The following EBF2 variants were observed in gnomAD, a reference collection of about 807,000 sequenced individuals.
EBF2 encodes transcription factor COE2.
Under a neutral mutation model 72.8 loss-of-function variants are expected in EBF2, and 21 were observed. The observed-to-expected ratio is 0.29, with a 90% CI of 0.20 to 0.42. The LOEUF (loss-of-function observed/expected upper bound fraction) is 0.42. EBF2 is among the 10% of genes least tolerant of loss of function. The probability of loss-of-function intolerance (pLI) is 1.00; values close to 1 mark genes in which losing one functional copy is unlikely to be tolerated. For missense variants in EBF2, 637 were observed against 731.2 expected (o/e 0.87, Z 1.49); for synonymous variants, 299 against 274.2 (o/e 1.09, Z -0.89).
At position 25,885,836 on chromosome 8, in the gene EBF2, C is replaced by T. The variant is rs374849626; in HGVS notation, c.1009+919G>A. On this transcript the variant is annotated intron_variant, in intron 10 of 15. Transcript: ENST00000520164. ...TTTTTCTTTAAAAATTACCCAGTCT[C>T]GGGTATGTCTTTATCAGCAGCATGA... Among the ~76,000 whole-genome samples, 10 of 152,256 alleles carry T rather than the reference C, an allele frequency of 6.6e-5. No individual in the cohort carries two copies. The East Asian group carries it at 1.9e-3, about 29-fold the overall frequency.
At chr8:25,922,400 G>A (rs1250266881) in intron 6 of EBF2, among the ~76,000 whole-genome samples, 2 of 152,064 alleles carry the variant, frequency 1.3e-5, no homozygotes, top group Non-Finnish European at 2.9e-5. Flanking sequence ...GATTCTCAAA[G>A]CCTGGTGTGG....
chr8:25,994,228 G>T (rs577700532), intron 6 of EBF2, among the ~76,000 whole-genome samples: 139 of 151,912 alleles, frequency 9.2e-4, no homozygotes, highest in African/African-American at 3.2e-3. Flanking sequence ...GAAGATACAC[G>T]AAAACTTGAT....
intron 7 of EBF2, among the ~76,000 whole-genome samples, chr8:25,892,314 G>C (rs574214310): frequency 6.6e-6 from 1 of 152,148 alleles, no homozygotes; most frequent in South Asian, 2.1e-4. Flanking sequence ...ACCACAGAAA[G>C]TGAAGCCTCC....
chr8:26,003,153 G>A, intron 6 of EBF2, among the ~76,000 whole-genome samples: 1 of 152,180 alleles, frequency 6.6e-6, no homozygotes, highest in East Asian at 1.9e-4. Flanking sequence ...TCCACTCTGG[G>A]AGTCTCTGGG....
Position 25,938,776 on chromosome 8 carries a change from G to A in EBF2, c.552-30221C>T, listed in dbSNP as rs867228342. Among the ~76,000 whole-genome samples, 9 of 152,130 alleles carry A rather than the reference G, an allele frequency of 5.9e-5. 1 individual carries two copies. The Middle Eastern group carries it at 9.5e-3, about 160-fold the overall frequency. On this transcript the variant is annotated intron_variant, in intron 6 of 15. Transcript: ENST00000520164. Reference sequence around the variant, plus strand: ...GGCTCTGCTGAATGGTGGGTCACAAGTCCCTGTGATGTGGGGGGCCTCAAT... The same window carrying A: ...GGCTCTGCTGAATGGTGGGTCACAAATCCCTGTGATGTGGGGGGCCTCAAT...
chr8:25,923,144 C>T (rs772205672), intron 6 of EBF2, among the ~76,000 whole-genome samples: 17 of 152,106 alleles, frequency 1.1e-4, no homozygotes. Context: ...GAAGGCGCAC[C>T]GTGGAGTCGC....
intron 6 of EBF2, among the ~76,000 whole-genome samples, chr8:25,988,121 G>A (rs1472750676): frequency 6.6e-6 from 1 of 152,118 alleles, no homozygotes; most frequent in East Asian, 1.9e-4. Flanking sequence ...TCACTGGATA[G>A]CAGGTTGGGG....
intron 6 of EBF2, among the ~76,000 whole-genome samples, chr8:25,992,538 G>T (rs1045462308): frequency 2.0e-5 from 3 of 151,978 alleles, no homozygotes; most frequent in Admixed American, 6.6e-5. Context: ...GAGGATTCAA[G>T]TGTCGTTTGT....
chr8:25,933,184 C>G (rs1803513246), intron 6 of EBF2, among the ~76,000 whole-genome samples: 1 of 152,138 alleles, frequency 6.6e-6, no homozygotes, highest in African/African-American at 2.4e-5. Context: ...AAATCTGTGA[C>G]TGCTAAAAAT....
At chr8:25,982,120 G>A (rs1411286566) in intron 6 of EBF2, among the ~76,000 whole-genome samples, 7 of 152,156 alleles carry the variant, frequency 4.6e-5, no homozygotes, top group Non-Finnish European at 7.4e-5. Context: ...GGATTGGGAT[G>A]GGCATTTTTA....
At chr8:25,863,749 A>G (rs1175047534) in intron 10 of EBF2, among the ~76,000 whole-genome samples, 1 of 152,154 alleles carries the variant, frequency 6.6e-6, no homozygotes. Context: ...GTAAAAAACT[A>G]TTACAAACAT....
intron 15 of EBF2, among the ~76,000 whole-genome samples, chr8:25,845,206 G>A (rs956185496): frequency 6.6e-6 from 1 of 152,024 alleles, no homozygotes; most frequent in African/African-American, 2.4e-5. Flanking sequence ...CTGATCACTG[G>A]AATAGAAGAC....
At chr8:25,906,991 C>T (rs1803044132) in intron 7 of EBF2, among the ~76,000 whole-genome samples, 1 of 151,966 alleles carries the variant, frequency 6.6e-6, no homozygotes, top group Non-Finnish European at 1.5e-5. Context: ...GTATGGCCAT[C>T]TTCCTGTTAA....
chr8:25,940,202 T>C (rs1196541848), intron 6 of EBF2, among the ~76,000 whole-genome samples: 1 of 152,218 alleles, frequency 6.6e-6, no homozygotes, highest in Non-Finnish European at 1.5e-5. Context: ...CTAAAGCTAG[T>C]GGCAGAACCA....
chr8:25,857,217 C>G (rs765578413), intron 14 of EBF2, among the ~76,000 whole-genome samples: 2 of 152,110 alleles, frequency 1.3e-5, no homozygotes, highest in Non-Finnish European at 2.9e-5. Context: ...GAACTGACCT[C>G]TACTACCCTT....
chr8:25,927,234 G>A (rs998394088), intron 6 of EBF2, among the ~76,000 whole-genome samples: 10 of 152,056 alleles, frequency 6.6e-5, no homozygotes, highest in South Asian at 6.2e-4. Context: ...CTGCTGGCCT[G>A]TCTTATGAAT....
chr8:25,879,828 T>C (rs1056613105), intron 10 of EBF2, among the ~76,000 whole-genome samples: 3 of 152,180 alleles, frequency 2.0e-5, no homozygotes, highest in Non-Finnish European at 4.4e-5. Context: ...AAAGTCTCCA[T>C]TGTCTTTGAA....
intron 10 of EBF2, among the ~76,000 whole-genome samples, chr8:25,882,438 T>C (rs1802619502): frequency 6.6e-6 from 1 of 152,204 alleles, no homozygotes; most frequent in Admixed American, 6.5e-5. Context: ...CTGTACCAGC[T>C]TGTGAAGGCA....
chr8:25,918,715 C>G (rs1803264368), intron 6 of EBF2, among the ~76,000 whole-genome samples: 1 of 152,038 alleles, frequency 6.6e-6, no homozygotes, highest in Admixed American at 6.6e-5. Flanking sequence ...ATACAGAAGT[C>G]AGTATTGATA....
Sources: allele counts gnomAD v4.1 joint callset (sites outside exome capture counted in the v4.1 genomes callset), GRCh38; gene constraint gnomAD v4.1.1; transcripts MANE v1.5; gene names NCBI Gene and HGNC (gene_info 2026-07-23, HGNC 2026-07-21).